The following CLVS1 variants were observed in gnomAD, a reference collection of about 807,000 sequenced individuals.
CLVS1 encodes clavesin-1.
Under a neutral mutation model 33.1 loss-of-function variants are expected in CLVS1, and 10 were observed. That is an observed-to-expected ratio of 0.30 (90% CI 0.19 to 0.51). The LOEUF is 0.51. Ranked by LOEUF, CLVS1 falls within the 20% of genes least tolerant of loss-of-function variation. The probability of loss-of-function intolerance (pLI) is 0.97; values close to 1 mark genes in which losing one functional copy is unlikely to be tolerated. For synonymous variants in CLVS1, 163 were observed against 166.1 expected, an observed-to-expected ratio of 0.98 and a Z score of 0.14; for missense variants, 343 against 433.4, an observed-to-expected ratio of 0.79 and a Z score of 1.85.
chr8:61,484,043 T>C (rs923068761), intron 5 of CLVS1, among the ~76,000 whole-genome samples: 1 of 152,204 alleles, frequency 6.6e-6, no homozygotes, highest in Non-Finnish European at 1.5e-5. Context: ...AAGACAGGGA[T>C]GCCCTCTCTC....
At chr8:61,278,132 C>T (rs924885324) in intron 2 of CLVS1, among the ~76,000 whole-genome samples, 5 of 152,080 alleles carry the variant, frequency 3.3e-5, no homozygotes, top group Admixed American at 2.0e-4. Flanking sequence ...TTGTGGGGGC[C>T]GAGAGCATTC....
intron 3 of CLVS1, among the ~76,000 whole-genome samples, chr8:61,415,007 G>A (rs1292496294): frequency 6.6e-6 from 1 of 152,224 alleles, no homozygotes; most frequent in Non-Finnish European, 1.5e-5. Flanking sequence ...TTTGAGGTTG[G>A]GAAATGGGAA....
the CLVS1 span, among the ~76,000 whole-genome samples, chr8:61,009,199 C>T: frequency 6.7e-6 from 1 of 149,342 alleles, no homozygotes; most frequent in African/African-American, 2.5e-5. Context: ...GAGATAGAGT[C>T]TCATTCTGTT....
At chr8:61,038,796 A>T in the CLVS1 span, among the ~76,000 whole-genome samples, 1 of 152,188 alleles carries the variant, frequency 6.6e-6, no homozygotes, top group Non-Finnish European at 1.5e-5. Flanking sequence ...TGCTCAGCGC[A>T]TGTGAACCGA....
chr8:61,087,225 G>A (rs920291740), intron 1 of CLVS1, among the ~76,000 whole-genome samples: 6 of 152,190 alleles, frequency 3.9e-5, no homozygotes, highest in African/African-American at 1.4e-4. Context: ...AGAGGGCTAT[G>A]GTCTATCAGT....
chr8:61,414,174 A>G (rs912186769), intron 3 of CLVS1, among the ~76,000 whole-genome samples: 1 of 152,238 alleles, frequency 6.6e-6, no homozygotes, highest in Non-Finnish European at 1.5e-5. Flanking sequence ...AAAGATAGAT[A>G]TATGAACAAA....
intron 3 of CLVS1, among the ~76,000 whole-genome samples, chr8:61,425,010 CTGAA>C (rs1383092590): frequency 1.3e-5 from 2 of 152,162 alleles, no homozygotes; most frequent in African/African-American, 4.8e-5. Flanking sequence ...ATTAGGAATG[CTGAA>C]CCAGTATGTA....
At chr8:61,221,434 T>C (rs1001544027) in intron 2 of CLVS1, among the ~76,000 whole-genome samples, 2 of 152,186 alleles carry the variant, frequency 1.3e-5, no homozygotes, top group Non-Finnish European at 2.9e-5. Context: ...CTGCATCTAT[T>C]GAGATAATCA....
At chr8:61,215,014 T>G (rs1377718809) in intron 2 of CLVS1, among the ~76,000 whole-genome samples, 2 of 152,216 alleles carry the variant, frequency 1.3e-5, no homozygotes, top group Non-Finnish European at 2.9e-5. Flanking sequence ...GTAATTCCTA[T>G]TGTGTAACAT....
At chr8:61,212,619 C>T (rs547291329) in intron 2 of CLVS1, among the ~76,000 whole-genome samples, 395 of 152,220 alleles carry the variant, frequency 2.6e-3, no homozygotes, top group Non-Finnish European at 4.5e-3. Context: ...GCAGGAAGTC[C>T]AGTCACGTGG....
chr8:61,214,514 A>C (rs1808044106), intron 2 of CLVS1, among the ~76,000 whole-genome samples: 1 of 152,198 alleles, frequency 6.6e-6, no homozygotes, highest in Non-Finnish European at 1.5e-5. Context: ...ATAGATATGC[A>C]CACAGGGAAG....
intron 2 of CLVS1, among the ~76,000 whole-genome samples, chr8:61,305,407 T>TGTGAGTGA (rs1286176346): frequency 6.6e-6 from 1 of 152,096 alleles, no homozygotes; most frequent in African/African-American, 2.4e-5. Flanking sequence ...ACCTCCTGCA[T>TGTGAGTGA]GTGAGTGAGA....
chr8:61,008,883 C>T, the CLVS1 span, among the ~76,000 whole-genome samples: 1 of 152,116 alleles, frequency 6.6e-6, no homozygotes, highest in South Asian at 2.1e-4. Context: ...TAAAACAAAA[C>T]TAGTATTTTG....
intron 3 of CLVS1, among the ~76,000 whole-genome samples, chr8:61,386,669 T>C (rs1359101561): frequency 6.6e-6 from 1 of 152,190 alleles, no homozygotes; most frequent in Admixed American, 6.5e-5. Context: ...GTTCATGATA[T>C]TAGAAATAAG....
intron 1 of CLVS1, among the ~76,000 whole-genome samples, chr8:61,096,977 G>A (rs535262354): frequency 9.2e-5 from 14 of 152,262 alleles, no homozygotes; most frequent in South Asian, 2.1e-4. Flanking sequence ...TTCTGTGAAC[G>A]CTGCGTTCTA....
intron 2 of CLVS1, among the ~76,000 whole-genome samples, chr8:61,197,723 T>A (rs543094139): frequency 2.9e-4 from 44 of 152,346 alleles, no homozygotes; most frequent in African/African-American, 1.1e-3. Flanking sequence ...TTTGGCCATG[T>A]TGGCCAGGCT....
the CLVS1 span, among the ~76,000 whole-genome samples, chr8:61,048,276 A>G: frequency 6.6e-6 from 1 of 152,232 alleles, no homozygotes; most frequent in Admixed American, 6.5e-5. Context: ...AGAGCAGGGC[A>G]TGGTAACTAT....
chr8:61,247,590 A>G (rs889530066), intron 2 of CLVS1, among the ~76,000 whole-genome samples: 15 of 152,180 alleles, frequency 9.9e-5, no homozygotes, highest in African/African-American at 2.7e-4. Context: ...GGCCACATGT[A>G]TGTCTTCTTT....
chr8:60,997,934 T>G, the CLVS1 span, among the ~76,000 whole-genome samples: 1 of 150,458 alleles, frequency 6.6e-6, no homozygotes, highest in Non-Finnish European at 1.5e-5. Context: ...CTTAAGGTGC[T>G]TGTGTGTGTG....
Sources: allele counts gnomAD v4.1 joint callset (sites outside exome capture counted in the v4.1 genomes callset), GRCh38; gene constraint gnomAD v4.1.1; transcripts MANE v1.5; gene names NCBI Gene and HGNC (gene_info 2026-07-23, HGNC 2026-07-21).